MORF4L1: variants seen among roughly 807,000 people sequenced by gnomAD.
The protein encoded by MORF4L1 is mortality factor 4-like protein 1.
A neutral mutation model predicts 52.9 loss-of-function variants in MORF4L1; 4 were observed. The ratio of observed to expected loss-of-function variants is 0.08; its 90% CI spans 0.04 to 0.17. The LOEUF (loss-of-function observed/expected upper bound fraction) is 0.17. MORF4L1 is among the 10% of genes least tolerant of loss of function. MORF4L1 has a pLI of 1.00. For missense variants in MORF4L1, 214 were observed against 390.4 expected (o/e 0.55, Z 3.81); for synonymous variants, 123 against 134.8 (o/e 0.91, Z 0.61).
intron 3 of MORF4L1, among the ~76,000 whole-genome samples, chr15:78,884,403 C>T (rs1356942800): frequency 6.6e-6 from 1 of 151,852 alleles, no homozygotes; most frequent in Non-Finnish European, 1.5e-5. Context: ...TTTTGGGAAG[C>T]CGAGGGTGGG....
chr15:78,886,615 T>C (rs942463983), intron 4 of MORF4L1, among the ~76,000 whole-genome samples: 1 of 152,148 alleles, frequency 6.6e-6, no homozygotes, highest in Non-Finnish European at 1.5e-5. Context: ...CCTGAAAGAC[T>C]CTATGATTTA....
chr15:78,895,029 G>C, intron 11 of MORF4L1, 125 bp downstream of exon 11: 1 of 751,938 alleles, frequency 1.3e-6, no homozygotes, highest in South Asian at 1.6e-5. Context: ...TGGTAATGGA[G>C]CAGTAAAAGT....
At chr15:78,880,402 C>T (rs11852969) in intron 2 of MORF4L1, 110 bp from the exon 3 acceptor site, 736,821 of 738,976 alleles carry the variant, frequency 1, 367,379 homozygotes, top group East Asian at 1. Context: ...CTTAGTCATT[C>T]TGTTTAGGCC....
At chr15:78,892,041 C>T (rs1224997543) in intron 7 of MORF4L1, among the ~76,000 whole-genome samples, 171 bp from the exon 8 acceptor site, 2 of 152,200 alleles carry the variant, frequency 1.3e-5, no homozygotes, top group African/African-American at 2.4e-5. Flanking sequence ...TTTCTCCCAA[C>T]AGCGAACCGC....
At chr15:78,883,370 A>C (rs781701436) in intron 3 of MORF4L1, among the ~76,000 whole-genome samples, 1 of 152,262 alleles carries the variant, frequency 6.6e-6, no homozygotes, top group Non-Finnish European at 1.5e-5. Flanking sequence ...TTTTTCACAT[A>C]TAATAGATAA....
chr15:78,873,422 G>A (rs966095090), intron 1 of MORF4L1, among the ~76,000 whole-genome samples: 1 of 152,150 alleles, frequency 6.6e-6, no homozygotes, highest in East Asian at 1.9e-4. Flanking sequence ...GCGGCGGGGG[G>A]GGAGGGGCGG....
chr15:78,884,812 C>T (rs571370479), intron 3 of MORF4L1, among the ~76,000 whole-genome samples: 1 of 152,154 alleles, frequency 6.6e-6, no homozygotes, highest in East Asian at 1.9e-4. Context: ...TTTTCAAAAA[C>T]ATAATAGATG....
intron 3 of MORF4L1, among the ~76,000 whole-genome samples, chr15:78,882,174 C>T (rs1227609250): frequency 6.6e-6 from 1 of 152,016 alleles, no homozygotes; most frequent in East Asian, 1.9e-4. Flanking sequence ...TATTTCTAAT[C>T]AGTGAGGTGT....
chr15:78,896,568 A>G (rs1007060545), intron 11 of MORF4L1, among the ~76,000 whole-genome samples: 1 of 151,930 alleles, frequency 6.6e-6, no homozygotes, highest in Non-Finnish European at 1.5e-5. Flanking sequence ...TTGGCCTCCC[A>G]AAGTGCTGGG....
rs746074210 is a variant in MORF4L1 at position 78,885,069 on chromosome 15, C to A, written c.156-1072C>A. ...AAGGAGCTCCCTCAGTACACCACCC[C>A]CTCCTGACCTCTAGGTAAATGCATG... On this transcript the variant is annotated intron_variant, in intron 3 of 11. Transcript: ENST00000426013. 11 of 1,611,072 alleles carry A rather than the reference C, an allele frequency of 6.8e-6. No individual in the cohort carries two copies. The East Asian group carries it at 8.9e-5, about 13-fold the overall frequency.
intron 5 of MORF4L1, among the ~76,000 whole-genome samples, chr15:78,889,705 C>T (rs1456271801): frequency 6.6e-6 from 1 of 151,708 alleles, no homozygotes; most frequent in Non-Finnish European, 1.5e-5. Context: ...CAAGAGAAAA[C>T]CTATACACAG....
chr15:78,874,477 C>CCTCCCAA (rs919352477), intron 1 of MORF4L1, among the ~76,000 whole-genome samples: 3 of 152,144 alleles, frequency 2.0e-5, no homozygotes, highest in Admixed American at 2.0e-4. Flanking sequence ...CTAAAGCGAG[C>CCTCCCAA]CTCCCAAGTA....
chr15:78,887,591 C>A, intron 5 of MORF4L1: 1 of 345,716 alleles, frequency 2.9e-6, no homozygotes. Flanking sequence ...TTTTCTCTTA[C>A]AAAGATAGTA....
At chr15:78,876,064 A>T (rs1008283928) in intron 1 of MORF4L1, among the ~76,000 whole-genome samples, 2 of 151,788 alleles carry the variant, frequency 1.3e-5, no homozygotes, top group African/African-American at 4.8e-5. Context: ...CAGCCTCCTG[A>T]GTAGCTGGGA....
chr15:78,876,869 C>A (rs978960835), intron 1 of MORF4L1, among the ~76,000 whole-genome samples: 1 of 152,062 alleles, frequency 6.6e-6, no homozygotes, highest in African/African-American at 2.4e-5. Flanking sequence ...ATAGGTCGTG[C>A]TCTGGGAGAG....
At chr15:78,884,671 AC>A (rs1470216587) in intron 3 of MORF4L1, among the ~76,000 whole-genome samples, 10 of 15,494 alleles carry the variant, frequency 6.5e-4, no homozygotes, top group African/African-American at 9.7e-4. Context: ...ACACACACAC[AC>A]ACACACACAC....
chr15:78,880,937 A>G (rs2056590877), intron 3 of MORF4L1, among the ~76,000 whole-genome samples: 1 of 150,864 alleles, frequency 6.6e-6, no homozygotes, highest in African/African-American at 2.4e-5. Context: ...TACCACAAAC[A>G]TGTTGATTAT....
intron 3 of MORF4L1, among the ~76,000 whole-genome samples, chr15:78,880,828 C>G (rs921305886): frequency 6.7e-6 from 1 of 149,168 alleles, no homozygotes; most frequent in Non-Finnish European, 1.5e-5. Context: ...GTCATATAGT[C>G]AATCAATTAT....
At chr15:78,881,208 T>TTTTTTTTA (rs5813941) in intron 3 of MORF4L1, among the ~76,000 whole-genome samples, 2 of 147,468 alleles carry the variant, frequency 1.4e-5, no homozygotes, top group African/African-American at 2.5e-5. Context: ...TTTTTTTTTT[T>TTTTTTTTA]GAGAGATGGA....
Sources: allele counts gnomAD v4.1 joint callset (sites outside exome capture counted in the v4.1 genomes callset), GRCh38; gene constraint gnomAD v4.1.1; transcripts MANE v1.5; gene names NCBI Gene and HGNC (gene_info 2026-07-23, HGNC 2026-07-21).